Variants in SYNPO2 observed in about 807,000 individuals in gnomAD.
The protein encoded by SYNPO2 is synaptopodin 2.
Under a neutral mutation model 85.0 loss-of-function variants are expected in SYNPO2, and 56 were observed. The ratio of observed to expected loss-of-function variants is 0.66; its 90% CI spans 0.53 to 0.82. The LOEUF is 0.82. SYNPO2 is among the 40% of genes least tolerant of loss of function. The probability of loss-of-function intolerance (pLI) is 0.00; values close to 1 mark genes in which losing one functional copy is unlikely to be tolerated. For missense variants in SYNPO2, 1,575 were observed against 1,534.2 expected, an observed-to-expected ratio of 1.03 and a Z score of -0.44; for synonymous variants, 602 against 591.1, an observed-to-expected ratio of 1.02 and a Z score of -0.27.
At chr4:119,056,461 G>A (rs1358911141) in intron 4 of SYNPO2, among the ~76,000 whole-genome samples, 1 of 152,110 alleles carries the variant, frequency 6.6e-6, no homozygotes, top group African/African-American at 2.4e-5. Context: ...GGAGGCTGAG[G>A]CAGGAGGATT....
At chr4:118,885,162 G>A (rs557782877), upstream of SYNPO2, among the ~76,000 whole-genome samples, 5 of 152,336 alleles carry the variant, frequency 3.3e-5, no homozygotes, top group East Asian at 9.6e-4. Context: ...TTCAAGGTAG[G>A]GGTAGTAAGC....
At chr4:118,910,145 A>G (rs973495800) in intron 1 of SYNPO2, among the ~76,000 whole-genome samples, 14 of 152,206 alleles carry the variant, frequency 9.2e-5, no homozygotes, top group Non-Finnish European at 1.5e-4. Flanking sequence ...GCAGCAACAC[A>G]TGTGGCTATT....
chr4:119,032,945 C>G (rs1174753531), intron 4 of SYNPO2: 1 of 982,568 alleles, frequency 1.0e-6, no homozygotes, highest in Non-Finnish European at 1.2e-6. Flanking sequence ...CCTCCCTCCC[C>G]AGTTACTTAA....
intron 3 of SYNPO2, among the ~76,000 whole-genome samples, 195 bp downstream of exon 3, chr4:119,027,633 A>G (rs1738028822): frequency 6.6e-6 from 1 of 152,226 alleles, no homozygotes; most frequent in African/African-American, 2.4e-5. Context: ...ATAAGTCCGA[A>G]CTTCATATAG....
intron 1 of SYNPO2, among the ~76,000 whole-genome samples, chr4:118,913,563 T>TCG (rs1733209725): frequency 6.8e-6 from 1 of 147,272 alleles, no homozygotes; most frequent in Non-Finnish European, 1.5e-5. Context: ...CATTTATTGT[T>TCG]TGTGTGTGTG....
intron 4 of SYNPO2, chr4:119,035,056 CA>C: frequency 1.0e-6 from 1 of 985,454 alleles, no homozygotes; most frequent in Non-Finnish European, 1.2e-6. Context: ...GAGCGACAAT[CA>C]TTTACGAGTT....
intron 1 of SYNPO2, among the ~76,000 whole-genome samples, chr4:118,953,453 A>G (rs1734764629): frequency 1.3e-5 from 2 of 152,120 alleles, no homozygotes; most frequent in South Asian, 4.1e-4. Context: ...GGGGGATAGG[A>G]CAGGTGCTCA....
chr4:118,945,827 C>T (rs1352329528), intron 1 of SYNPO2, among the ~76,000 whole-genome samples: 1 of 151,854 alleles, frequency 6.6e-6, no homozygotes, highest in African/African-American at 2.4e-5. Flanking sequence ...CTCACTGCAA[C>T]CTCTGCCTCC....
intron 3 of SYNPO2, among the ~76,000 whole-genome samples, chr4:119,028,863 T>C (rs1438072759): frequency 3.3e-5 from 5 of 151,974 alleles, no homozygotes; most frequent in Admixed American, 6.5e-5. Flanking sequence ...GATATAACTA[T>C]AAATTATAAA....
intron 1 of SYNPO2, among the ~76,000 whole-genome samples, chr4:118,940,798 A>T: frequency 6.6e-6 from 1 of 152,156 alleles, no homozygotes; most frequent in East Asian, 1.9e-4. Flanking sequence ...GAGTGAGAGC[A>T]TTCCAGACAA....
chr4:119,037,518 T>C, intron 4 of SYNPO2: 1 of 1,003,154 alleles, frequency 1.0e-6, no homozygotes, highest in Non-Finnish European at 1.2e-6. Flanking sequence ...ATACTTTTAT[T>C]TGGTGCAATA....
At chr4:118,906,154 T>C (rs771199036) in intron 1 of SYNPO2, among the ~76,000 whole-genome samples, 3 of 152,236 alleles carry the variant, frequency 2.0e-5, no homozygotes, top group Non-Finnish European at 4.4e-5. Flanking sequence ...TGTACATCTT[T>C]TATTGTTAGT....
intron 1 of SYNPO2, among the ~76,000 whole-genome samples, chr4:118,933,520 G>A (rs189755920): frequency 6.6e-6 from 1 of 152,274 alleles, no homozygotes; most frequent in African/African-American, 2.4e-5. Context: ...CTCAGTATAT[G>A]TTTGTAGTTT....
In SYNPO2 at chr4:119,015,336, T is replaced by C. The variant is rs1184994208; in HGVS notation, c.106-8094T>C. Reference sequence around the variant, plus strand: ...TCTACTCCTGTCATTTGGAGAAAAATTTTCATTTTACATATATCTTCTTTA... The same window carrying C: ...TCTACTCCTGTCATTTGGAGAAAAACTTTCATTTTACATATATCTTCTTTA... On this transcript the variant is annotated intron_variant, in intron 1 of 4. Coordinates refer to ENST00000307142, the MANE Select transcript of SYNPO2 (RefSeq NM_133477.3). 2.0e-5 allele frequency among the ~76,000 whole-genome samples: 3 copies of C among 152,130 alleles called. No homozygotes were observed. In the East Asian group the frequency reaches 5.8e-4, roughly 29 times the overall value.
intron 1 of SYNPO2, among the ~76,000 whole-genome samples, chr4:118,947,841 T>C (rs1338300490): frequency 6.6e-6 from 1 of 152,220 alleles, no homozygotes; most frequent in Admixed American, 6.5e-5. Context: ...TATTAACTTT[T>C]AGGACAATGT....
intron 1 of SYNPO2, among the ~76,000 whole-genome samples, chr4:119,012,393 T>TTTTTTTTTTTTTTTAA (rs1553946399): frequency 7.6e-6 from 1 of 130,822 alleles, no homozygotes; most frequent in Admixed American, 8.0e-5. Flanking sequence ...TTTTTTTTTT[T>TTTTTTTTTTTTTTTAA]ATTTTACTTT....
chr4:118,858,980 A>G (rs922553145), intron 1 of SYNPO2, among the ~76,000 whole-genome samples: 10 of 152,242 alleles, frequency 6.6e-5, no homozygotes, highest in African/African-American at 2.4e-4. Context: ...GTTATCTAGA[A>G]GCATGGGAGG....
intron 1 of SYNPO2, among the ~76,000 whole-genome samples, chr4:118,878,305 C>T (rs138628401): frequency 1.4e-4 from 21 of 152,186 alleles, no homozygotes; most frequent in African/African-American, 2.9e-4. Context: ...CCCTATGATA[C>T]GCAATTTACC....
chr4:118,928,339 G>A (rs759586390), intron 1 of SYNPO2, among the ~76,000 whole-genome samples: 1 of 152,074 alleles, frequency 6.6e-6, no homozygotes, highest in Non-Finnish European at 1.5e-5. Context: ...TTACACTGAA[G>A]GAAAAAACCC....
Sources: gnomAD v4.1 joint callset for allele counts (sites outside exome capture counted in the v4.1 genomes callset) on GRCh38, gnomAD v4.1.1 for gene constraint, MANE v1.5 for transcripts, NCBI Gene and HGNC (gene_info 2026-07-23, HGNC 2026-07-21) for gene names.